Variants in WDR62 observed in about 807,000 individuals in gnomAD.
WDR62 encodes WD repeat-containing protein 62.
WDR62 carries 112 observed loss-of-function variants against 160.6 expected under a neutral mutation model. The observed-to-expected ratio is 0.70, with a 90% confidence interval of 0.60 to 0.82. The LOEUF is 0.82. WDR62 is among the 40% of genes least tolerant of loss of function. The pLI is 0.00. For synonymous variants in WDR62, 792 were observed against 815.1 expected (o/e 0.97, Z 0.48); for missense variants, 1,819 against 1,983.8 (o/e 0.92, Z 1.58).
At chr19:36,072,167 T>C (rs1349101885) in intron 8 of WDR62, among the ~76,000 whole-genome samples, 1 of 152,142 alleles carries the variant, frequency 6.6e-6, no homozygotes, top group Non-Finnish European at 1.5e-5. Flanking sequence ...AAAAAGATAA[T>C]TTCAATAGGC....
At chr19:36,088,471 C>T (rs1972389079) in intron 13 of WDR62, among the ~76,000 whole-genome samples, 5 of 152,196 alleles carry the variant, frequency 3.3e-5, no homozygotes, top group Admixed American at 3.3e-4. Flanking sequence ...AGGTTCAGAG[C>T]AGTGTTTAAC....
chr19:36,066,220 C>T (rs1447005768), intron 4 of WDR62, 37 bp from the exon 5 acceptor site: 4 of 1,613,432 alleles, frequency 2.5e-6, no homozygotes, highest in Admixed American at 3.3e-5. Context: ...CTGCCCAGTA[C>T]AGAGCCCAGC....
At position 36,078,344 on chromosome 19, in the gene WDR62, C is replaced by T. The variant is rs971595612; in HGVS notation, c.1234-3089C>T. 4.6e-5 allele frequency among the ~76,000 whole-genome samples: 7 copies of T among 151,424 alleles called. No homozygotes were observed. In the East Asian group the frequency reaches 7.9e-4, roughly 17 times the overall value. On this transcript the variant is annotated intron_variant, in intron 9 of 31. Transcript: ENST00000401500. ...TGTTTTTTTAGTGGAGACACGGTTT[C>T]GCCGTGTTGGCCAGGTTGGTCTCAA...
Position 36,099,507 on chromosome 19 carries a change from C to T in WDR62, c.2629C>T (p.Leu877=), listed in dbSNP as rs1458485110. 8.7e-6 allele frequency: 14 copies of T among 1,614,064 alleles called. No homozygotes were observed. The highest frequency in any genetic ancestry group is 1.2e-5 in the Non-Finnish European group (14 of 1,180,046). ...RAGQEPLKTI[L]DAQDLDCYFT... is the part of the protein sequence containing the mutation. ...CGGCCAAGAGCCCCTCAAGACCATC[C>T]TGGATGCCCAGGACCTGGATTGCTA... The change falls in exon 22 of 32, where the codon CTG becomes TTG. Residue 877 remains leucine (L), a synonymous_variant. Transcript: ENST00000401500.
chr19:36,063,185 C>T (rs974999359), intron 3 of WDR62, among the ~76,000 whole-genome samples: 2 of 152,184 alleles, frequency 1.3e-5, no homozygotes, highest in Non-Finnish European at 2.9e-5. Context: ...CCTTGTGATC[C>T]GCCCGCCTTG....
chr19:36,078,844 A>G (rs563074155), intron 9 of WDR62, among the ~76,000 whole-genome samples: 1 of 151,374 alleles, frequency 6.6e-6, no homozygotes, highest in African/African-American at 2.4e-5. Context: ...AAAAAAAAAA[A>G]AAAAAACAAA....
intron 7 of WDR62, among the ~76,000 whole-genome samples, chr19:36,069,719 G>A (rs1314814616): frequency 3.3e-5 from 5 of 152,242 alleles, no homozygotes; most frequent in Non-Finnish European, 7.3e-5. Flanking sequence ...CTGAGTAAAC[G>A]AGACTCCGTC....
At chr19:36,076,572 GAAAA>G (rs1187315435) in intron 9 of WDR62, among the ~76,000 whole-genome samples, 1 of 149,476 alleles carries the variant, frequency 6.7e-6, no homozygotes, top group Non-Finnish European at 1.5e-5. Flanking sequence ...AAAAAAAAAA[GAAAA>G]AAGAGAAAGA....
rs759017280 is a variant in WDR62, at chr19:36,097,023, C to G, written c.2468-4C>G. 1 of 1,611,312 alleles carries G rather than the reference C, an allele frequency of 6.2e-7. No individual in the cohort carries two copies. Among genetic ancestry groups the G allele is most frequent in the East Asian group, 2.2e-5 (1 of 44,814 alleles). ...CTCTTTTCATGGATTCTGTGTCTTT[C>G]CAGATCCTCGTTGCCTGCTAACCAA... On this transcript the variant is annotated splice_region_variant and splice_polypyrimidine_tract_variant and intron_variant, in intron 20 of 31. Transcript: ENST00000401500.
intron 3 of WDR62, chr19:36,062,255 C>T (rs1397502308): frequency 6.6e-6 from 1 of 152,124 alleles, no homozygotes; most frequent in African/African-American, 2.4e-5. Context: ...CAAATGTTAG[C>T]ATTTTACCAC....
Position 36,069,057 on chromosome 19 carries a change from C to T in WDR62, c.882+1047C>T, listed in dbSNP as rs532780026. ...ACCCCCACCTCCCTCCTGGACGGGG[C>T]GGCTGGCCGGGCGGGGGCTAACCCC... On this transcript the variant is annotated intron_variant, in intron 7 of 31. Coordinates refer to ENST00000401500, the MANE Select transcript of WDR62 (RefSeq NM_001083961.2). 2.4e-3 allele frequency among the ~76,000 whole-genome samples: 366 copies of T among 151,420 alleles called. 3 individuals carry two copies. The highest frequency in any genetic ancestry group is 7.9e-3 in the African/African-American group (326 of 41,262).
chr19:36,059,956 CTT>C lies in WDR62; in HGVS notation c.270-10_270-9del, dbSNP rs750286490. 3.1e-6 allele frequency: 5 copies of C among 1,614,168 alleles called. No individual in the cohort carries two copies. The South Asian group carries it at 5.5e-5, about 18-fold the overall frequency. On this transcript the variant is annotated splice_polypyrimidine_tract_variant and intron_variant, in intron 2 of 31. Coordinates refer to ENST00000401500, the MANE Select transcript of WDR62 (RefSeq NM_001083961.2). ...CCCCACAGTTGAGGCACATTTTCCTCTTTCTTCCCAGCTGTGTGGTGGTGATT... is the reference window on the plus strand; with the variant it reads ...CCCCACAGTTGAGGCACATTTTCCTCTCTTCCCAGCTGTGTGGTGGTGATT...
chr19:36,101,794 G>T lies in WDR62; in HGVS notation c.3082+20G>T. 2.6e-6 allele frequency: 4 copies of T among 1,544,686 alleles called. No homozygotes were observed. Among genetic ancestry groups the T allele is most frequent in the Non-Finnish European group, 3.5e-6 (4 of 1,141,050 alleles). ...TCCCAGGTAAGCAGGGGCCAGACAC[G>T]CAGGGGACTCGCTGCTCGGGCCTGG... On this transcript the variant is annotated intron_variant, in intron 25 of 31. Coordinates refer to ENST00000401500, the MANE Select transcript of WDR62 (RefSeq NM_001083961.2).
chr19:36,069,024 A>G (rs902991418), intron 7 of WDR62, among the ~76,000 whole-genome samples: 1 of 141,610 alleles, frequency 7.1e-6, no homozygotes, highest in Non-Finnish European at 1.5e-5. Flanking sequence ...CTGGCTGGGC[A>G]GGGGCTGACC....
chr19:36,102,679 A>G (rs894754852), intron 26 of WDR62, 58 bp from the exon 27 acceptor site: 1 of 1,533,924 alleles, frequency 6.5e-7, no homozygotes, highest in Non-Finnish European at 9.0e-7. Context: ...GGGCTGGCCT[A>G]GGGCCAGGGC....
intron 20 of WDR62, among the ~76,000 whole-genome samples, chr19:36,096,572 A>G (rs1445531620): frequency 6.6e-6 from 1 of 151,888 alleles, no homozygotes; most frequent in Non-Finnish European, 1.5e-5. Flanking sequence ...TTAGCCGGGC[A>G]TGGTGGCGGG....
At chr19:36,087,431 CG>C (rs1223490066) in intron 13 of WDR62, among the ~76,000 whole-genome samples, 1 of 150,274 alleles carries the variant, frequency 6.7e-6, no homozygotes, top group African/African-American at 2.5e-5. Context: ...TGTGTGAACC[CG>C]GGAGGCGGAG....
chr19:36,067,470 C>G, intron 6 of WDR62, 27 bp downstream of exon 6: 1 of 1,613,850 alleles, frequency 6.2e-7, no homozygotes, highest in Non-Finnish European at 8.5e-7. Flanking sequence ...GCCCCTTTAG[C>G]CAGGCCCTGA....
intron 7 of WDR62, among the ~76,000 whole-genome samples, chr19:36,069,929 G>T (rs1971196381): frequency 6.6e-6 from 1 of 151,992 alleles, no homozygotes; most frequent in African/African-American, 2.4e-5. Flanking sequence ...GGAGGTTGCA[G>T]TGAGCCGAGA....
Sources: gnomAD v4.1 joint callset for allele counts (sites outside exome capture counted in the v4.1 genomes callset) on GRCh38, gnomAD v4.1.1 for gene constraint, MANE v1.5 for transcripts, NCBI Gene and HGNC (gene_info 2026-07-23, HGNC 2026-07-21) for gene names.